The following SBNO1 variants were observed in gnomAD, a reference collection of about 807,000 sequenced individuals.
SBNO1 encodes the protein strawberry notch homolog 1.
SBNO1 carries 23 observed loss-of-function variants against 173.6 expected under a neutral mutation model. The ratio of observed to expected loss-of-function variants is 0.13; its 90% CI spans 0.10 to 0.19. The LOEUF is 0.19. Ranked by LOEUF, SBNO1 falls within the 10% of genes least tolerant of loss-of-function variation. The probability of loss-of-function intolerance (pLI) is 1.00; values close to 1 mark genes in which losing one functional copy is unlikely to be tolerated. For missense variants in SBNO1, 1,238 were observed against 1,671.2 expected, an observed-to-expected ratio of 0.74 and a Z score of 4.52; for synonymous variants, 632 against 571.5, an observed-to-expected ratio of 1.11 and a Z score of -1.51.
intron 30 of SBNO1, among the ~76,000 whole-genome samples, chr12:123,302,273 C>T (rs1216296841): frequency 7.6e-6 from 1 of 132,024 alleles, no homozygotes; most frequent in South Asian, 2.4e-4. Context: ...AATGGAGTCT[C>T]GCTCTGTCCC....
chr12:123,313,271 C>T (rs1868841057), intron 24 of SBNO1, among the ~76,000 whole-genome samples: 2 of 147,512 alleles, frequency 1.4e-5, no homozygotes, highest in African/African-American at 2.5e-5. Context: ...AAAAAAGACT[C>T]GGTCTTAAAA....
Position 123,350,331 on chromosome 12 carries a change from C to A in SBNO1, c.111G>T (p.Met37Ile), listed in dbSNP as rs1300869946. ...DGGDAGLATP[M>I]PTPSVQQSVP... ...TTACCTGCTGAACTGACGGGGTAGG[C>A]ATTGGAGTTGCAAGCCCTGCATCTC... Residue 37 changes from methionine to isoleucine, a missense_variant, in exon 2 of 32, where the codon ATG becomes ATT. Met to Ile is a conservative substitution (Grantham distance 10). Around this residue, in one of 14 missense-constraint regions of SBNO1, gnomAD observed 287 missense variants for 274.1 expected, o/e 1.05. Coordinates refer to ENST00000602398, the MANE Select transcript of SBNO1 (RefSeq NM_001167856.3). The A allele has an allele frequency of 3.7e-6, 6 of 1,614,052 alleles. No individual in the cohort carries two copies. Among genetic ancestry groups the A allele is most frequent in the Non-Finnish European group, 5.1e-6 (6 of 1,179,958 alleles).
chr12:123,290,754 T>TC lies in SBNO1; in HGVS notation c.*5153dup, dbSNP rs1383064420. 1.3e-5 allele frequency: 2 copies of TC among 152,140 alleles called. No individual in the cohort carries two copies. Among genetic ancestry groups the TC allele is most frequent in the African/African-American group, 2.4e-5 (1 of 41,476 alleles). The allele number at this position is 152,140 out of a possible 1,614,324, so 9.4% of individuals were successfully genotyped here. A position where few individuals can be genotyped will look rare whatever the true frequency, so the allele number is the denominator to read the frequency against. On this transcript the variant is annotated 3_prime_UTR_variant, in exon 32 of 32. Transcript: ENST00000602398. ...GTACATTCTCTCTCTTTTTTTTTTT[T>TC]CGAGACGGAGTCTCGGTCTGTTGCC...
Position 123,331,362 on chromosome 12 carries a change from A to T in SBNO1, c.923T>A (p.Phe308Tyr). The T allele has an allele frequency of 6.2e-7, 1 of 1,613,588 alleles. No individual in the cohort carries two copies. Among genetic ancestry groups the T allele is most frequent in the Non-Finnish European group, 8.5e-7 (1 of 1,179,822 alleles). The change falls in exon 8 of 32, where the codon TTC becomes TAC. Residue 308 changes from phenylalanine (F) to tyrosine (Y), a missense_variant. By Grantham distance (22) the Phe-to-Tyr change is conservative. Transcript: ENST00000602398. ...GCCAGCACGATCTCCATTAGGTAGG[A>T]AAGTTTCATGTTGCTGAAAAACAAA... ...ITYAAQQHETFLPNGDRAGFL... is the reference protein window; with the variant it reads ...ITYAAQQHETYLPNGDRAGFL...
At chr12:123,320,318 A>C in intron 19 of SBNO1, 114 bp downstream of exon 19, 1 of 1,067,596 alleles carries the variant, frequency 9.4e-7, no homozygotes, top group Non-Finnish European at 1.4e-6. Flanking sequence ...AAAGTAGAAC[A>C]AGAATTCTAT....
chr12:123,364,040 T>C (rs527407554), intron 1 of SBNO1: 14 of 985,396 alleles, frequency 1.4e-5, no homozygotes, highest in Admixed American at 1.2e-4. Context: ...TTCCCCTCCA[T>C]GGGTAATTCT....
chr12:123,352,927 A>C (rs918924285), intron 1 of SBNO1, among the ~76,000 whole-genome samples: 2 of 152,166 alleles, frequency 1.3e-5, no homozygotes, highest in Non-Finnish European at 2.9e-5. Context: ...CCTCCCGAGT[A>C]GCTGGGACTA....
chr12:123,296,555 G>GTTTTTTTTTTTTTTTTTT (rs35125710), intron 31 of SBNO1, among the ~76,000 whole-genome samples: 1 of 140,426 alleles, frequency 7.1e-6, no homozygotes, highest in Non-Finnish European at 1.5e-5. Context: ...ATATATATGT[G>GTTTTTTTTTTTTTTTTTT]TTTTTTTTTT....
Position 123,293,312 on chromosome 12 carries a change from C to CCTTGT in SBNO1, c.*2595_*2596insACAAG, listed in dbSNP as rs1471278064. 4 of 152,204 alleles carry CCTTGT rather than the reference C, an allele frequency of 2.6e-5. No individual in the cohort carries two copies. Among genetic ancestry groups the CCTTGT allele is most frequent in the Non-Finnish European group, 4.4e-5 (3 of 68,056 alleles). The allele number at this position is 152,204 out of a possible 1,614,324, so 9.4% of individuals were successfully genotyped here. A position where few individuals can be genotyped will look rare whatever the true frequency, so the allele number is the denominator to read the frequency against. On this transcript the variant is annotated 3_prime_UTR_variant, in exon 32 of 32. Coordinates refer to ENST00000602398, the MANE Select transcript of SBNO1 (RefSeq NM_001167856.3). ...CTCCTGGCCTCAAGTGATGCACCTGCCTTGGCCTCCCGAAGTGCTGGGATT... is the reference window on the plus strand; with the variant it reads ...CTCCTGGCCTCAAGTGATGCACCTGCCTTGTCTTGGCCTCCCGAAGTGCTGGGATT...
intron 3 of SBNO1, among the ~76,000 whole-genome samples, chr12:123,345,779 T>C (rs1873054500): frequency 2.0e-5 from 3 of 152,086 alleles, no homozygotes; most frequent in South Asian, 2.1e-4. Context: ...AAGTGATTCT[T>C]GTACCTCAAC....
At chr12:123,340,147 C>T (rs1288057951) in intron 5 of SBNO1, among the ~76,000 whole-genome samples, 1 of 152,114 alleles carries the variant, frequency 6.6e-6, no homozygotes, top group Non-Finnish European at 1.5e-5. Flanking sequence ...TCAAATTTTG[C>T]TTACTGAAGG....
chr12:123,327,591 T>G lies in SBNO1; in HGVS notation c.1539-12A>C. 1.2e-6 allele frequency: 2 copies of G among 1,611,220 alleles called. No homozygotes were observed. The highest frequency in any genetic ancestry group is 1.1e-5 in the South Asian group (1 of 90,926). ...TGGCACCAACTCCTCTGAATAAAAT[T>G]AAAACATACAGTAATTACCAATACA... On this transcript the variant is annotated splice_polypyrimidine_tract_variant and intron_variant, in intron 12 of 31. Coordinates refer to ENST00000602398, the MANE Select transcript of SBNO1 (RefSeq NM_001167856.3).
intron 1 of SBNO1, among the ~76,000 whole-genome samples, chr12:123,360,804 C>T (rs28683528): frequency 0.27 from 40,966 of 151,936 alleles, 6,676 homozygotes; most frequent in African/African-American, 0.45. Flanking sequence ...TTCAACAGTA[C>T]TTTCAGTAAG....
chr12:123,336,644 C>T (rs1365889669), intron 5 of SBNO1, among the ~76,000 whole-genome samples, 153 bp from the exon 6 acceptor site: 2 of 152,188 alleles, frequency 1.3e-5, no homozygotes, highest in African/African-American at 4.8e-5. Flanking sequence ...GGCCACACTT[C>T]GTGGCTTTCC....
At chr12:123,318,982 T>TG (rs1436009076) in intron 20 of SBNO1, among the ~76,000 whole-genome samples, 2 of 151,788 alleles carry the variant, frequency 1.3e-5, no homozygotes, top group Non-Finnish European at 2.9e-5. Context: ...TTTTTTTTTT[T>TG]TGAGACAGTC....
intron 6 of SBNO1, among the ~76,000 whole-genome samples, chr12:123,334,749 T>C (rs769086214): frequency 2.0e-5 from 3 of 148,666 alleles, no homozygotes; most frequent in Non-Finnish European, 4.4e-5. Flanking sequence ...TAAAATAAAA[T>C]AGAGATTTGC....
At chr12:123,296,781 G>A (rs1380577626) in intron 31 of SBNO1, among the ~76,000 whole-genome samples, 1 of 151,738 alleles carries the variant, frequency 6.6e-6, no homozygotes, top group African/African-American at 2.4e-5. Context: ...GGATGATCTC[G>A]ATCTCTTGAC....
At chr12:123,349,018 G>A (rs1252912572) in intron 2 of SBNO1, 1 of 146,818 alleles carries the variant, frequency 6.8e-6, no homozygotes, top group Admixed American at 6.8e-5. Context: ...GTCAGGTGAA[G>A]CAGTCGGAGT....
intron 7 of SBNO1, 146 bp from the exon 8 acceptor site, chr12:123,331,521 G>A: frequency 1.2e-6 from 1 of 818,748 alleles, no homozygotes; most frequent in Non-Finnish European, 1.8e-6. Context: ...AAATTTCATA[G>A]AGTTTTGGAT....
Sources: gnomAD v4.1 joint callset for allele counts (sites outside exome capture counted in the v4.1 genomes callset) on GRCh38, gnomAD v4.1.1 for gene constraint, gnomAD v4.1.1 regional missense constraint, MANE v1.5 for transcripts, NCBI Gene and HGNC (gene_info 2026-07-23, HGNC 2026-07-21) for gene names.